The following HPSE2 variants were observed in gnomAD, a reference collection of about 807,000 sequenced individuals.
The protein encoded by HPSE2 is heparanase 2 (inactive), also known as inactive heparanase-2.
HPSE2 carries 38 observed loss-of-function variants against 60.5 expected under a neutral mutation model. That is an observed-to-expected ratio of 0.63 (90% CI 0.48 to 0.82). HPSE2 has a LOEUF of 0.82. HPSE2 is among the 40% of genes least tolerant of loss of function. The pLI, the probability that HPSE2 is intolerant of heterozygous loss-of-function variation, is 0.00. For synonymous variants in HPSE2, 295 were observed against 293.2 expected, an observed-to-expected ratio of 1.01 and a Z score of -0.06; for missense variants, 713 against 740.4, an observed-to-expected ratio of 0.96 and a Z score of 0.43.
intron 3 of HPSE2, among the ~76,000 whole-genome samples, chr10:99,141,479 A>G (rs1845864748): frequency 6.6e-6 from 1 of 152,244 alleles, no homozygotes; most frequent in Non-Finnish European, 1.5e-5. Context: ...GTTTAAAACT[A>G]TGCAAAAATA....
the HPSE2 span, among the ~76,000 whole-genome samples, chr10:99,302,141 G>C: frequency 6.6e-6 from 1 of 151,930 alleles, no homozygotes; most frequent in Non-Finnish European, 1.5e-5. Context: ...CAGTCACTAA[G>C]GCAAAAACAT....
At chr10:98,907,742 G>A (rs2135007273) in intron 3 of HPSE2, among the ~76,000 whole-genome samples, 1 of 152,274 alleles carries the variant, frequency 6.6e-6, no homozygotes, top group East Asian at 1.9e-4. Context: ...TCCTTATTGA[G>A]TCAATCTGGA....
At chr10:98,769,271 A>G (rs1366492668) in intron 3 of HPSE2, among the ~76,000 whole-genome samples, 1 of 152,148 alleles carries the variant, frequency 6.6e-6, no homozygotes, top group Non-Finnish European at 1.5e-5. Context: ...AGTGACCATA[A>G]AAAACACCCT....
intron 9 of HPSE2, among the ~76,000 whole-genome samples, chr10:98,572,956 C>G (rs526877): frequency 0.85 from 129,014 of 152,190 alleles, 55,997 homozygotes; most frequent in East Asian, 1. Flanking sequence ...GATTAATCGA[C>G]TATGGTTCCT....
chr10:99,249,761 C>T, the HPSE2 span, among the ~76,000 whole-genome samples: 2 of 152,066 alleles, frequency 1.3e-5, no homozygotes, highest in African/African-American at 4.8e-5. Context: ...GATGAAAGGC[C>T]TGGTGAGAGA....
the HPSE2 span, among the ~76,000 whole-genome samples, chr10:99,270,304 C>T: frequency 6.6e-6 from 1 of 152,106 alleles, no homozygotes; most frequent in South Asian, 2.1e-4. Context: ...ACCACAGAAC[C>T]AATACCACAG....
At chr10:99,075,803 T>C (rs1306867154) in intron 3 of HPSE2, among the ~76,000 whole-genome samples, 1 of 152,198 alleles carries the variant, frequency 6.6e-6, no homozygotes, top group Non-Finnish European at 1.5e-5. Context: ...TAACAGTTTA[T>C]GACTAACAGT....
chr10:99,302,959 G>A, the HPSE2 span, among the ~76,000 whole-genome samples: 3 of 151,106 alleles, frequency 2.0e-5, no homozygotes, highest in African/African-American at 7.3e-5. Flanking sequence ...TTCATTAGGT[G>A]GACTGAAGCT....
At chr10:98,649,879 T>C (rs970796550) in intron 6 of HPSE2, among the ~76,000 whole-genome samples, 6 of 152,210 alleles carry the variant, frequency 3.9e-5, no homozygotes, top group Non-Finnish European at 5.9e-5. Context: ...CAGGCTGCGA[T>C]TCTTGAGAGA....
the HPSE2 span, among the ~76,000 whole-genome samples, chr10:99,304,105 G>T: frequency 6.6e-6 from 1 of 152,198 alleles, no homozygotes; most frequent in Non-Finnish European, 1.5e-5. Flanking sequence ...GATTAAGGAG[G>T]AGTATCTAAT....
chr10:99,016,692 A>G (rs1184195333), intron 3 of HPSE2, among the ~76,000 whole-genome samples: 1 of 151,898 alleles, frequency 6.6e-6, no homozygotes, highest in African/African-American at 2.4e-5. Flanking sequence ...TGTTTGTGTC[A>G]TCTCTGATTT....
At chr10:98,873,018 T>C (rs1303427497) in intron 3 of HPSE2, among the ~76,000 whole-genome samples, 1 of 152,126 alleles carries the variant, frequency 6.6e-6, no homozygotes, top group East Asian at 1.9e-4. Context: ...AAGAGAAGGC[T>C]AAACTTGACC....
intron 4 of HPSE2, among the ~76,000 whole-genome samples, chr10:98,729,567 C>T (rs1949178384): frequency 6.6e-6 from 1 of 151,968 alleles, no homozygotes; most frequent in Admixed American, 6.6e-5. Flanking sequence ...CGAGATCACG[C>T]CATTGCACTC....
intron 3 of HPSE2, among the ~76,000 whole-genome samples, chr10:98,868,996 G>C (rs1451430940): frequency 6.6e-6 from 1 of 151,934 alleles, no homozygotes; most frequent in Non-Finnish European, 1.5e-5. Context: ...GTGCCCAATT[G>C]CATGTGTGCA....
chr10:98,827,169 T>A (rs9732251), intron 3 of HPSE2, among the ~76,000 whole-genome samples: 7,246 of 120,448 alleles, frequency 0.06, 358 homozygotes, highest in East Asian at 0.2. Flanking sequence ...AATTTTTTTT[T>A]AAAAAACCAA....
intron 3 of HPSE2, among the ~76,000 whole-genome samples, chr10:98,926,524 TA>T (rs1201087403): frequency 1.3e-5 from 2 of 152,154 alleles, no homozygotes; most frequent in Non-Finnish European, 2.9e-5. Context: ...GCTTTTTGGG[TA>T]GTAGAAAAAG....
At chr10:98,480,334 T>C (rs1941187364) in intron 11 of HPSE2, among the ~76,000 whole-genome samples, 1 of 152,152 alleles carries the variant, frequency 6.6e-6, no homozygotes, top group African/African-American at 2.4e-5. Context: ...TCCCCCCGCC[T>C]CAGCCTCCCA....
chr10:99,230,530 A>G (rs976875643), intron 2 of HPSE2, among the ~76,000 whole-genome samples: 1 of 151,868 alleles, frequency 6.6e-6, no homozygotes, highest in Non-Finnish European at 1.5e-5. Context: ...TTTTCCGTTT[A>G]TGTTTTTTTT....
chr10:98,934,999 C>T lies in HPSE2; in HGVS notation c.611-190943G>A, dbSNP rs369721021. Among the ~76,000 whole-genome samples, 3 of 142,290 alleles carry T rather than the reference C, an allele frequency of 2.1e-5. 1 individual carries two copies. In the East Asian group the frequency reaches 6.0e-4, roughly 28 times the overall value. The allele number at this position is 142,290 out of a possible 152,430, so 93.3% of individuals were successfully genotyped here. A position where few individuals can be genotyped will look rare whatever the true frequency, so the allele number is the denominator to read the frequency against. Reference sequence around the variant, plus strand: ...TTTGTTCCTTTTCATTGTTTATTCTCTAATCTTGTCTGCCTGCCTTATTTC... The same window carrying T: ...TTTGTTCCTTTTCATTGTTTATTCTTTAATCTTGTCTGCCTGCCTTATTTC... On this transcript the variant is annotated intron_variant, in intron 3 of 11. Coordinates refer to ENST00000370552, the MANE Select transcript of HPSE2 (RefSeq NM_021828.5).
Sources: gnomAD v4.1 joint callset for allele counts (sites outside exome capture counted in the v4.1 genomes callset) on GRCh38, gnomAD v4.1.1 for gene constraint, MANE v1.5 for transcripts, NCBI Gene and HGNC (gene_info 2026-07-23, HGNC 2026-07-21) for gene names.